HOXB6: variants seen among roughly 807,000 people sequenced by gnomAD.
HOXB6 encodes the protein homeobox B6.
Under a neutral mutation model 24.2 loss-of-function variants are expected in HOXB6, and 18 were observed. The observed-to-expected ratio is 0.74, with a 90% confidence interval of 0.51 to 1.10. HOXB6 has a LOEUF of 1.10. HOXB6 is among the 50% of genes least tolerant of loss of function. HOXB6 has a pLI of 0.00. For synonymous variants in HOXB6, 159 were observed against 139.1 expected (o/e 1.14, Z -1.01); for missense variants, 332 against 308.3 (o/e 1.08, Z -0.58).
Position 48,596,860 on chromosome 17 carries a change from T to G in HOXB6, c.416-188A>C. 3 of 1,262,572 alleles carry G rather than the reference T, an allele frequency of 2.4e-6. No individual in the cohort carries two copies. Among genetic ancestry groups the G allele is most frequent in the Non-Finnish European group, 3.2e-6 (3 of 924,580 alleles). 78.2% of individuals were successfully genotyped at this position (1,262,572 alleles called of 1,614,324 possible). Reference sequence around the variant, plus strand: ...CTCCTAGTCTCCTAGGCCTGTGCCGTCTGTCTAGACTCTAGATGGGGGAGG... The same window carrying G: ...CTCCTAGTCTCCTAGGCCTGTGCCGGCTGTCTAGACTCTAGATGGGGGAGG... On this transcript the variant is annotated intron_variant, in intron 3 of 3. Transcript: ENST00000225648. The surrounding 1 kb of genome is among the most constrained non-coding windows in gnomAD (Gnocchi z 4.8).
chr17:48,601,948 C>T, intron 2 of HOXB6: 1 of 381,702 alleles, frequency 2.6e-6, no homozygotes, highest in Admixed American at 3.1e-5. Flanking sequence ...CCTGGCCACC[C>T]CCTCTTGGGA....
At position 48,597,775 on chromosome 17, in the gene HOXB6, G is replaced by A; in HGVS notation, c.376C>T (p.Pro126Ser). 6.2e-7 allele frequency: 1 copy of A among 1,612,862 alleles called. No individual in the cohort carries two copies. The highest frequency in any genetic ancestry group is 8.5e-7 in the Non-Finnish European group (1 of 1,179,532). ...ATCCGCTGCATCCACGGGTAGACCG[G>A]AGTGGAGCACTTCTGCTCTTCTGTC... ...GETEEQKCSTPVYPWMQRMNS... is the reference protein window; with the variant it reads ...GETEEQKCSTSVYPWMQRMNS... Residue 126 changes from proline (P) to serine (S), a missense_variant, in exon 3 of 4, where the codon CCG (proline) becomes TCG (serine). Transcript: ENST00000225648.
Position 48,596,889 on chromosome 17 carries a change from G to T in HOXB6, c.416-217C>A. 1.6e-6 allele frequency: 2 copies of T among 1,263,634 alleles called. No individual in the cohort carries two copies. The highest frequency in any genetic ancestry group is 1.1e-6 in the Non-Finnish European group (1 of 944,956). The allele number at this position is 1,263,634 out of a possible 1,614,324, so 78.3% of individuals were successfully genotyped here. ...TCTAGACTCTAGATGGGGGAGGGGA[G>T]GAGCAGTTTGAACTCCCACCTGAGC... On this transcript the variant is annotated intron_variant, in intron 3 of 3. Coordinates refer to ENST00000225648, the MANE Select transcript of HOXB6 (RefSeq NM_018952.5). This position sits in a 1 kb window ranked among gnomAD's most constrained non-coding sequence, Gnocchi z 4.8.
intron 3 of HOXB6, 152 bp downstream of exon 3, chr17:48,597,584 C>T (rs2070338307): frequency 2.4e-6 from 2 of 819,590 alleles, no homozygotes; most frequent in African/African-American, 1.7e-5. Context: ...AGCGAGAGAC[C>T]CCCGGCCGGC....
intron 2 of HOXB6, chr17:48,601,976 C>T (rs2070476969): frequency 2.5e-6 from 1 of 397,180 alleles, no homozygotes; most frequent in Non-Finnish European, 5.1e-6. Flanking sequence ...CGAGTTAAGC[C>T]GGTGTGGAGG....
At chr17:48,601,015 T>TG (rs2070449282) in intron 2 of HOXB6, among the ~76,000 whole-genome samples, 2 of 149,170 alleles carry the variant, frequency 1.3e-5, no homozygotes, top group Admixed American at 1.3e-4. Context: ...TGTGTGTGTG[T>TG]GTGTGGTGTG....
intron 2 of HOXB6, among the ~76,000 whole-genome samples, chr17:48,598,732 T>C (rs1422056631): frequency 2.6e-5 from 4 of 152,236 alleles, no homozygotes; most frequent in Non-Finnish European, 4.4e-5. Flanking sequence ...TCTAGGGTTT[T>C]GTGTCGGTAG....
intron 2 of HOXB6, among the ~76,000 whole-genome samples, chr17:48,599,757 G>A (rs1399326773): frequency 1.3e-5 from 2 of 152,218 alleles, no homozygotes; most frequent in African/African-American, 4.8e-5. Flanking sequence ...AGTGAAGGGT[G>A]ACAACCTTCA....
At chr17:48,598,602 G>A (rs1220024270) in intron 2 of HOXB6, among the ~76,000 whole-genome samples, 2 of 152,124 alleles carry the variant, frequency 1.3e-5, no homozygotes, top group Non-Finnish European at 1.5e-5. Context: ...CGCAGGATTG[G>A]AAAAAGTTAA....
Position 48,596,672 on chromosome 17 carries a change from C to G in HOXB6, c.416G>C (p.Ser139Thr). 6.2e-7 allele frequency: 1 copy of G among 1,612,262 alleles called. No homozygotes were observed. Among genetic ancestry groups the G allele is most frequent in the African/African-American group, 1.3e-5 (1 of 75,060 alleles). ...CCGGCCGCTGGGCCCAAAGGAGGAA[C>G]CTGTTACGCAGAGTGGAGATGCTGA... ...PWMQRMNSCN[S>T]SSFGPSGRRG... The change falls in exon 4 of 4, where the codon AGT (serine) becomes ACT (threonine). Residue 139 changes from serine to threonine, a missense_variant and splice_region_variant. Transcript: ENST00000225648. This position sits in a 1 kb window ranked among gnomAD's most constrained non-coding sequence, Gnocchi z 4.8.
chr17:48,596,095 C>T lies in HOXB6; in HGVS notation c.*318G>A, dbSNP rs906735010. The stretch of plus-strand genomic sequence containing the variant: ...AAATGAGACGCGACAGGGACAAGAG[C>T]ATTTTGCTCTGCTTCCAGGAAACAT... On this transcript the variant is annotated 3_prime_UTR_variant, in exon 4 of 4. Transcript: ENST00000225648. The surrounding 1 kb of genome is among the most constrained non-coding windows in gnomAD (Gnocchi z 4.8). 1.8e-6 allele frequency: 1 copy of T among 560,738 alleles called. No individual in the cohort carries two copies. Among genetic ancestry groups the T allele is most frequent in the Non-Finnish European group, 3.4e-6 (1 of 294,582 alleles). 34.7% of individuals were successfully genotyped at this position (560,738 alleles called of 1,614,324 possible).
At chr17:48,603,955 GGA>G (rs2144985249) in intron 2 of HOXB6, 1 of 152,830 alleles carries the variant, frequency 6.5e-6, no homozygotes, top group East Asian at 1.9e-4. Flanking sequence ...CGGCCTCGGC[GGA>G]GATTCCAGGC....
chr17:48,595,970 G>A lies in HOXB6; in HGVS notation c.*443C>T. On this transcript the variant is annotated 3_prime_UTR_variant, in exon 4 of 4. Coordinates refer to ENST00000225648, the MANE Select transcript of HOXB6 (RefSeq NM_018952.5). ...TGCTCCTTCCAGTGGCTTTGGGGAG[G>A]GGGTGGGAGAGACGACAGGTCTGGG... 2.3e-6 allele frequency: 1 copy of A among 438,866 alleles called. No homozygotes were observed. Among genetic ancestry groups the A allele is most frequent in the Non-Finnish European group, 4.6e-6 (1 of 216,346 alleles). The allele number at this position is 438,866 out of a possible 1,614,324, so 27.2% of individuals were successfully genotyped here.
rs1325635385 is a variant in HOXB6 at position 48,604,929 on chromosome 17, G to A, written c.-282C>T. On this transcript the variant is annotated 5_prime_UTR_variant, in exon 1 of 4. Coordinates refer to ENST00000225648, the MANE Select transcript of HOXB6 (RefSeq NM_018952.5). ...TACTGAAGTACAAAAATATCAAGAG[G>A]CTGGAGCCCTGAAGGACGACAGTGC... 6.6e-6 allele frequency: 1 copy of A among 152,308 alleles called. No individual in the cohort carries two copies. Among genetic ancestry groups the A allele is most frequent in the East Asian group, 1.9e-4 (1 of 5,182 alleles). The allele number at this position is 152,308 out of a possible 1,614,324, so 9.4% of individuals were successfully genotyped here.
Position 48,597,803 on chromosome 17 carries a change from G to T in HOXB6, c.348C>A (p.Gly116=). ...TGGAGCACTTCTGCTCTTCTGTCTC[G>T]CCGAACACGCTCTTGTCCTGCGCGC... ...SDCAQDKSVF[G]ETEEQKCSTP... Residue 116 remains glycine, a synonymous_variant, in exon 3 of 4, where the codon GGC becomes GGA. Transcript: ENST00000225648. The T allele has an allele frequency of 6.2e-7, 1 of 1,610,370 alleles. No homozygotes were observed. The highest frequency in any genetic ancestry group is 8.5e-7 in the Non-Finnish European group (1 of 1,178,346).
intron 2 of HOXB6, among the ~76,000 whole-genome samples, chr17:48,598,927 C>T (rs545376360): frequency 6.6e-6 from 1 of 152,214 alleles, no homozygotes; most frequent in African/African-American, 2.4e-5. Flanking sequence ...CTAGAAGACC[C>T]AGAAGAGGAG....
intron 2 of HOXB6, chr17:48,601,768 G>C (rs2070469103): frequency 4.5e-6 from 1 of 224,400 alleles, no homozygotes; most frequent in Non-Finnish European, 9.0e-6. Context: ...TGGTTTGCCT[G>C]GCACCGCAGG....
Position 48,596,049 on chromosome 17 carries a change from C to T in HOXB6, c.*364G>A, listed in dbSNP as rs909948058. 2 of 481,726 alleles carry T rather than the reference C, an allele frequency of 4.2e-6. No individual in the cohort carries two copies. The highest frequency in any genetic ancestry group is 3.9e-5 in the African/African-American group (2 of 51,156). The allele number at this position is 481,726 out of a possible 1,614,324, so 29.8% of individuals were successfully genotyped here. A position where few individuals can be genotyped will look rare whatever the true frequency, so the allele number is the denominator to read the frequency against. On this transcript the variant is annotated 3_prime_UTR_variant, in exon 4 of 4. Coordinates refer to ENST00000225648, the MANE Select transcript of HOXB6 (RefSeq NM_018952.5). The surrounding 1 kb of genome is among the most constrained non-coding windows in gnomAD (Gnocchi z 4.8). ...GGGGACAGCGAATCTACCATTGAAC[C>T]GTGCACGGGGGACATGGACAAAATG... is the stretch of plus-strand genomic sequence containing the variant.
chr17:48,597,927 C>T lies in HOXB6; in HGVS notation c.224G>A (p.Gly75Glu). Residue 75 changes from glycine to glutamate, a missense_variant, in exon 3 of 4, where the codon GGG (glycine) becomes GAG (glutamate). Gly to Glu is a moderately conservative substitution (Grantham distance 98, BLOSUM62 -2). Transcript: ENST00000225648. ...GYGRAAPCDY[G>E]PAPAFYREKE... is the part of the protein sequence containing the mutation. The stretch of plus-strand genomic sequence containing the variant: ...CTCGCGGTAGAAGGCCGGCGCCGGC[C>T]CGTAGTCGCAGGGCGCCGCTCGGCC... 2 of 1,574,674 alleles carry T rather than the reference C, an allele frequency of 1.3e-6. No homozygotes were observed. Among genetic ancestry groups the T allele is most frequent in the Non-Finnish European group, 1.7e-6 (2 of 1,160,344 alleles).
Sources: allele counts gnomAD v4.1 joint callset (sites outside exome capture counted in the v4.1 genomes callset), GRCh38; gene constraint gnomAD v4.1.1; non-coding constraint Gnocchi (gnomAD v3.1); transcripts MANE v1.5; gene names NCBI Gene and HGNC (gene_info 2026-07-23, HGNC 2026-07-21).